The following OGDHL variants were observed in gnomAD, a reference collection of about 807,000 sequenced individuals.
OGDHL encodes the protein 2-oxoglutarate dehydrogenase-like, mitochondrial.
In OGDHL, 79 loss-of-function variants were observed where a neutral mutation model predicts 109.6. The ratio of observed to expected loss-of-function variants is 0.72; its 90% confidence interval spans 0.60 to 0.87. The LOEUF (loss-of-function observed/expected upper bound fraction) is 0.87, where lower values mean the gene tolerates loss of function less well. Among genes scored for constraint, OGDHL ranks in the 40% least tolerant of loss-of-function variants. The pLI is 0.00. For synonymous variants in OGDHL, 528 were observed against 537.2 expected, an observed-to-expected ratio of 0.98 and a Z score of 0.24; for missense variants, 1,275 against 1,362.2, an observed-to-expected ratio of 0.94 and a Z score of 1.01.
chr10:49,744,267 T>A, intron 13 of OGDHL, 145 bp from the exon 14 acceptor site: 1 of 1,028,162 alleles, frequency 9.7e-7, no homozygotes, highest in Non-Finnish European at 1.4e-6. Context: ...CCTTGGGACC[T>A]GGGACAGCTG....
chr10:49,744,788 A>C, intron 12 of OGDHL, 36 bp from the exon 13 acceptor site: 1 of 1,549,758 alleles, frequency 6.5e-7, no homozygotes, highest in Non-Finnish European at 8.9e-7. Flanking sequence ...AGAGCACCAA[A>C]GCCCTGCGCA....
chr10:49,754,257 C>T (rs1263297089), intron 3 of OGDHL, among the ~76,000 whole-genome samples: 1 of 152,158 alleles, frequency 6.6e-6, no homozygotes, highest in African/African-American at 2.4e-5. Flanking sequence ...ACCACGAGTG[C>T]TGGGAATAAG....
chr10:49,744,639 T>C lies in OGDHL; in HGVS notation c.1732+11A>G, dbSNP rs1461839223. ...AGGGGAGTCCCTCTGAGCCACACAC[T>C]GCTCGCTCACCAGGCCAGGGGGAGT... is the stretch of plus-strand genomic sequence containing the variant. On this transcript the variant is annotated intron_variant, in intron 13 of 22. Transcript: ENST00000374103. 6.2e-7 allele frequency: 1 copy of C among 1,609,172 alleles called. No individual in the cohort carries two copies. The highest frequency in any genetic ancestry group is 8.5e-7 in the Non-Finnish European group (1 of 1,175,588).
Position 49,749,636 on chromosome 10 carries a change from A to G in OGDHL, c.987+90T>C, listed in dbSNP as rs973785914. ...ATGCATCCATCTTAAGGTTTATCTCAGCCCGGAAGCTCCCGGCTCAGCCCC... is the reference window on the plus strand; with the variant it reads ...ATGCATCCATCTTAAGGTTTATCTCGGCCCGGAAGCTCCCGGCTCAGCCCC... On this transcript the variant is annotated intron_variant, in intron 8 of 22. Coordinates refer to ENST00000374103, the MANE Select transcript of OGDHL (RefSeq NM_018245.3). 5.3e-6 allele frequency: 6 copies of G among 1,139,914 alleles called. 1 individual carries two copies. The East Asian group carries it at 1.3e-4, about 24-fold the overall frequency. The allele number at this position is 1,139,914 out of a possible 1,614,324, so 70.6% of individuals were successfully genotyped here.
intron 10 of OGDHL, 146 bp downstream of exon 10, chr10:49,746,604 C>G: frequency 9.2e-7 from 1 of 1,090,418 alleles, no homozygotes; most frequent in Non-Finnish European, 1.3e-6. Flanking sequence ...ACCAGGACAC[C>G]AAGGCTGGAA....
At chr10:49,743,968 G>A (rs1841988150) in intron 14 of OGDHL, 26 bp downstream of exon 14, 1 of 1,607,350 alleles carries the variant, frequency 6.2e-7, no homozygotes, top group Non-Finnish European at 8.5e-7. Context: ...CAGCAGCCTG[G>A]GCTGCAGCCT....
Position 49,758,467 on chromosome 10 carries a change from G to C in OGDHL, c.126C>G (p.Ser42Arg). The change falls in exon 2 of 23, where the codon AGC becomes AGG. Residue 42 changes from serine to arginine, a missense_variant. Transcript: ENST00000374103. ...RSSGPPATFP[S>R]SKGGGGSSYM... ...AACTGGAGCCGCCTCCACCTTTGCT[G>C]CTTGGGAAGGTGGCCGGTGGCCCGG... The C allele has an allele frequency of 6.2e-7, 1 of 1,613,968 alleles. No individual in the cohort carries two copies. Among genetic ancestry groups the C allele is most frequent in the Non-Finnish European group, 8.5e-7 (1 of 1,180,042 alleles).
chr10:49,753,511 A>T (rs1842736328), intron 3 of OGDHL, among the ~76,000 whole-genome samples: 1 of 152,360 alleles, frequency 6.6e-6, no homozygotes, highest in East Asian at 1.9e-4. Context: ...AAACCATTCC[A>T]ATTGACTAAT....
intron 6 of OGDHL, among the ~76,000 whole-genome samples, chr10:49,751,259 A>G (rs1169177548): frequency 6.6e-6 from 1 of 151,990 alleles, no homozygotes; most frequent in African/African-American, 2.4e-5. Context: ...TCTCTTCCTC[A>G]TAGCCAAGCT....
chr10:49,735,027 C>A lies in OGDHL; in HGVS notation c.*201G>T. 1.8e-6 allele frequency: 1 copy of A among 556,724 alleles called. No homozygotes were observed. Among genetic ancestry groups the A allele is most frequent in the Non-Finnish European group, 3.0e-6 (1 of 327,878 alleles). 34.5% of individuals were successfully genotyped at this position (556,724 alleles called of 1,614,324 possible). On this transcript the variant is annotated 3_prime_UTR_variant, in exon 23 of 23. Transcript: ENST00000374103. ...CCAGCACAGTAGCCTGCCTATAGGA[C>A]TCCTCTGGCTCCCTCAGTCCTGGTA...
intron 14 of OGDHL, 168 bp downstream of exon 14, chr10:49,743,826 G>A: frequency 1.3e-6 from 1 of 761,018 alleles, no homozygotes; most frequent in Non-Finnish European, 2.0e-6. Flanking sequence ...ACCCTGAAAA[G>A]AGCTACTGTC....
chr10:49,738,337 C>T (rs962736166), intron 17 of OGDHL, 75 bp from the exon 18 acceptor site: 1 of 1,538,692 alleles, frequency 6.5e-7, no homozygotes, highest in Non-Finnish European at 8.9e-7. Flanking sequence ...GGACCCCAGG[C>T]TCAGGGGAAA....
At position 49,752,118 on chromosome 10, in the gene OGDHL, C is replaced by A; in HGVS notation, c.594+15G>T. On this transcript the variant is annotated intron_variant, in intron 5 of 22. Coordinates refer to ENST00000374103, the MANE Select transcript of OGDHL (RefSeq NM_018245.3). ...AGCTGCTTCAGCTGCACCCCACACA[C>A]CCGCCTGTGCTCACCTCCAGGCGCC... 1 of 1,611,474 alleles carries A rather than the reference C, an allele frequency of 6.2e-7. No individual in the cohort carries two copies. Among genetic ancestry groups the A allele is most frequent in the Non-Finnish European group, 8.5e-7 (1 of 1,177,646 alleles).
chr10:49,745,600 C>T, intron 11 of OGDHL, 104 bp from the exon 12 acceptor site: 2 of 1,449,548 alleles, frequency 1.4e-6, no homozygotes, highest in Non-Finnish European at 1.9e-6. Flanking sequence ...CCACTGGGAG[C>T]CCTTTGAGCT....
At chr10:49,760,882 C>G (rs1843230713) in intron 1 of OGDHL, among the ~76,000 whole-genome samples, 1 of 152,254 alleles carries the variant, frequency 6.6e-6, no homozygotes, top group African/African-American at 2.4e-5. Flanking sequence ...GCCAGCGCCA[C>G]TCCCACCCCC....
chr10:49,748,019 G>A (rs1455072623), intron 8 of OGDHL, among the ~76,000 whole-genome samples: 1 of 150,980 alleles, frequency 6.6e-6, no homozygotes, highest in Non-Finnish European at 1.5e-5. Context: ...AGAGCGTGTA[G>A]GAGGAAGTGG....
chr10:49,739,345 C>G (rs990274865), intron 17 of OGDHL: 11 of 286,632 alleles, frequency 3.8e-5, no homozygotes, highest in Middle Eastern at 9.4e-4. Context: ...GCCTCTGTTT[C>G]CTCATCTGAA....
intron 1 of OGDHL, among the ~76,000 whole-genome samples, chr10:49,759,172 C>A (rs1300357723): frequency 6.6e-6 from 1 of 152,178 alleles, no homozygotes; most frequent in Non-Finnish European, 1.5e-5. Context: ...CCAAAAGTGA[C>A]CAGTGACTCC....
chr10:49,748,364 T>C (rs1467977932), intron 8 of OGDHL, among the ~76,000 whole-genome samples: 1 of 152,200 alleles, frequency 6.6e-6, no homozygotes, highest in Non-Finnish European at 1.5e-5. Context: ...AAAAAGAGGT[T>C]TGTTTGTATC....
Sources: gnomAD v4.1 joint callset for allele counts (sites outside exome capture counted in the v4.1 genomes callset) on GRCh38, gnomAD v4.1.1 for gene constraint, MANE v1.5 for transcripts, NCBI Gene and HGNC (gene_info 2026-07-23, HGNC 2026-07-21) for gene names.